SNX7: variants seen among roughly 807,000 people sequenced by gnomAD.
The protein encoded by SNX7 is sorting nexin 7, also known as sorting nexin-7.
SNX7 carries 35 observed loss-of-function variants against 48.4 expected under a neutral mutation model. That is an observed-to-expected ratio of 0.72 (90% CI 0.55 to 0.96). The LOEUF is 0.96. Among genes scored for constraint, SNX7 ranks in the 40% least tolerant of loss-of-function variants. SNX7 has a pLI of 0.00. For missense variants in SNX7, 553 were observed against 548.9 expected (o/e 1.01, Z -0.07); for synonymous variants, 190 against 190.2 (o/e 1.00, Z 0.01).
At chr1:98,756,206 T>C (rs1057302209) in intron 8 of SNX7, among the ~76,000 whole-genome samples, 2 of 151,928 alleles carry the variant, frequency 1.3e-5, no homozygotes, top group Non-Finnish European at 2.9e-5. Context: ...ATGTGTTTTT[T>C]CATTCCCTTT....
chr1:98,687,125 T>C (rs1238027485), intron 2 of SNX7, among the ~76,000 whole-genome samples: 1 of 152,312 alleles, frequency 6.6e-6, no homozygotes, highest in East Asian at 1.9e-4. Flanking sequence ...AGTTTCTACA[T>C]GTTAACTCAT....
rs1433911241 is a variant in SNX7 at position 98,707,987 on chromosome 1, T to TCG, written c.1125+6084_1125+6085insCG. Among the ~76,000 whole-genome samples the TCG allele has an allele frequency of 2.0e-5, 3 of 152,350 alleles. No homozygotes were observed. In the East Asian group the frequency reaches 5.8e-4, roughly 29 times the overall value. Reference sequence around the variant, plus strand: ...ACAGAGCAAGATTGCCTTCTCTCTCTAATTCTAGGAAGCTTTAAAGAAATA... The same window carrying TCG: ...ACAGAGCAAGATTGCCTTCTCTCTCTCGAATTCTAGGAAGCTTTAAAGAAATA... On this transcript the variant is annotated intron_variant, in intron 7 of 8. Coordinates refer to ENST00000306121, the MANE Select transcript of SNX7 (RefSeq NM_015976.5).
At chr1:98,668,900 A>G (rs1342966141) in intron 1 of SNX7, among the ~76,000 whole-genome samples, 1 of 152,186 alleles carries the variant, frequency 6.6e-6, no homozygotes, top group Non-Finnish European at 1.5e-5. Flanking sequence ...ATGTTCTGGT[A>G]CAAGCTGGAT....
chr1:98,672,349 A>G (rs1649917099), intron 1 of SNX7, among the ~76,000 whole-genome samples: 1 of 151,428 alleles, frequency 6.6e-6, no homozygotes, highest in Non-Finnish European at 1.5e-5. Flanking sequence ...GGAAATAGAC[A>G]ATGGCTCCCA....
Position 98,661,868 on chromosome 1 carries a change from T to C in SNX7, c.137T>C (p.Leu46Pro). The change falls in exon 1 of 9, where the codon CTG (leucine) becomes CCG (proline). Residue 46 changes from leucine to proline, a missense_variant. Leu to Pro is a moderately conservative substitution (Grantham distance 98). Coordinates refer to ENST00000306121, the MANE Select transcript of SNX7 (RefSeq NM_015976.5). Reference protein sequence around the residue: ...GSSALLQAEVLDLDEDEDDLE... With the variant: ...GSSALLQAEVPDLDEDEDDLE... The stretch of plus-strand genomic sequence containing the variant: ...TCCGCCCTGCTGCAGGCGGAGGTGC[T>C]GGATCTGGACGAGGACGAGGACGAC... 1 of 1,246,696 alleles carries C rather than the reference T, an allele frequency of 8.0e-7. No homozygotes were observed. Among genetic ancestry groups the C allele is most frequent in the Non-Finnish European group, 1.0e-6 (1 of 987,330 alleles). 77.2% of individuals were successfully genotyped at this position (1,246,696 alleles called of 1,614,324 possible).
At chr1:98,755,550 C>G (rs1289178774) in intron 8 of SNX7, among the ~76,000 whole-genome samples, 1 of 151,888 alleles carries the variant, frequency 6.6e-6, no homozygotes, top group Admixed American at 6.6e-5. Flanking sequence ...GATCTTTGCT[C>G]TGAGATCTAC....
intron 1 of SNX7, among the ~76,000 whole-genome samples, chr1:98,671,215 T>C (rs530979779): frequency 5.3e-5 from 8 of 152,318 alleles, no homozygotes; most frequent in East Asian, 3.9e-4. Flanking sequence ...AACATTTTCA[T>C]TGGAGTCACC....
intron 2 of SNX7, among the ~76,000 whole-genome samples, chr1:98,690,371 T>G (rs1570519567): frequency 1.3e-5 from 2 of 152,206 alleles, no homozygotes; most frequent in South Asian, 4.1e-4. Context: ...GTTCTTCTTG[T>G]CATATGTGTT....
chr1:98,740,309 C>T (rs1421694158), intron 8 of SNX7, among the ~76,000 whole-genome samples: 1 of 152,066 alleles, frequency 6.6e-6, no homozygotes, highest in Non-Finnish European at 1.5e-5. Flanking sequence ...CTTACCTCTC[C>T]TTTATAGTAG....
chr1:98,698,889 A>G lies in SNX7; in HGVS notation c.1022A>G (p.Tyr341Cys). 3 of 1,613,644 alleles carry G rather than the reference A, an allele frequency of 1.9e-6. No individual in the cohort carries two copies. The highest frequency in any genetic ancestry group is 1.7e-4 in the Middle Eastern group (1 of 6,054). The change falls in exon 6 of 9, where the codon TAT becomes TGT. Residue 341 changes from tyrosine to cysteine, a missense_variant. Coordinates refer to ENST00000306121, the MANE Select transcript of SNX7 (RefSeq NM_015976.5). ...LLPVVHEYVL[Y>C]SEMLMGVMKR... is the part of the protein sequence containing the mutation. ...CCTGTTGTACATGAGTACGTGCTTT[A>G]TAGTGAAATGTTAATGGTAAGAACA...
intron 7 of SNX7, among the ~76,000 whole-genome samples, chr1:98,716,870 A>T (rs540747275): frequency 6.6e-6 from 1 of 151,648 alleles, no homozygotes; most frequent in African/African-American, 2.4e-5. Context: ...TAGATTTCAT[A>T]ATAAATTATA....
At chr1:98,743,267 G>A (rs1463348938) in intron 8 of SNX7, among the ~76,000 whole-genome samples, 5 of 151,754 alleles carry the variant, frequency 3.3e-5, no homozygotes, top group Non-Finnish European at 5.9e-5. Flanking sequence ...CTTGCTGTTA[G>A]GAGGCTAAAG....
chr1:98,698,327 T>C (rs990444645), intron 5 of SNX7, among the ~76,000 whole-genome samples: 6 of 152,146 alleles, frequency 3.9e-5, no homozygotes, highest in Admixed American at 1.3e-4. Context: ...GAATATATAG[T>C]CAGAAGAAGG....
At chr1:98,726,773 G>A (rs933581953) in intron 7 of SNX7, among the ~76,000 whole-genome samples, 2 of 152,170 alleles carry the variant, frequency 1.3e-5, no homozygotes, top group Non-Finnish European at 2.9e-5. Flanking sequence ...AAGGTAGAAT[G>A]CCAGGGAATG....
chr1:98,661,678 G>C (rs1269492096), upstream of SNX7: 8 of 1,191,272 alleles, frequency 6.7e-6, no homozygotes, highest in East Asian at 1.8e-4. Context: ...GGGCACGCTC[G>C]GGGGAGCCGG....
At chr1:98,672,930 C>CAAAAAAAAA (rs57705068) in intron 1 of SNX7, among the ~76,000 whole-genome samples, 4 of 88,512 alleles carry the variant, frequency 4.5e-5, no homozygotes, top group Non-Finnish European at 8.2e-5. Context: ...GACTCCGTCT[C>CAAAAAAAAA]AAAAAAAAAA....
chr1:98,667,547 T>G (rs1184166729), intron 1 of SNX7, among the ~76,000 whole-genome samples: 1 of 151,992 alleles, frequency 6.6e-6, no homozygotes, highest in Non-Finnish European at 1.5e-5. Context: ...CAGCATTTTT[T>G]TTTTTTGTAT....
chr1:98,736,098 G>T (rs1653767607), intron 7 of SNX7, among the ~76,000 whole-genome samples: 4 of 152,122 alleles, frequency 2.6e-5, no homozygotes. Context: ...ATCCTTTCTG[G>T]CAGTGACACC....
At chr1:98,735,567 A>C (rs1230754559) in intron 7 of SNX7, among the ~76,000 whole-genome samples, 1 of 152,142 alleles carries the variant, frequency 6.6e-6, no homozygotes, top group Non-Finnish European at 1.5e-5. Flanking sequence ...GAAGAATGAC[A>C]TATTACCAGA....
Sources: allele counts gnomAD v4.1 joint callset (sites outside exome capture counted in the v4.1 genomes callset), GRCh38; gene constraint gnomAD v4.1.1; transcripts MANE v1.5; gene names NCBI Gene and HGNC (gene_info 2026-07-23, HGNC 2026-07-21).